The following SERPINA5 variants were observed in gnomAD, a reference collection of about 807,000 sequenced individuals.
SERPINA5 encodes plasma serine protease inhibitor.
A neutral mutation model predicts 25.3 loss-of-function variants in SERPINA5; 25 were observed. That is an observed-to-expected ratio of 0.99 (90% CI 0.72 to 1.38). The LOEUF is 1.38. Among genes scored for constraint, SERPINA5 ranks in the 40% most tolerant of loss-of-function variants. The probability of loss-of-function intolerance (pLI) is 0.00; values close to 1 mark genes in which losing one functional copy is unlikely to be tolerated. For missense variants in SERPINA5, 599 were observed against 509.5 expected (o/e 1.18, Z -1.69); for synonymous variants, 234 against 206.2 (o/e 1.14, Z -1.16).
At position 94,592,033 on chromosome 14, in the gene SERPINA5, T is replaced by C. The variant is rs937724676; in HGVS notation, c.1039-24T>C. On this transcript the variant is annotated intron_variant, in intron 5 of 5. Coordinates refer to ENST00000329597, the MANE Select transcript of SERPINA5 (RefSeq NM_000624.6). ...ACTTCACCTGCCCCTAGTGGCCTGG[T>C]GATGCCTGGTGTCTCCCCTGCAGAT... is the stretch of plus-strand genomic sequence containing the variant. 6 of 1,601,190 alleles carry C rather than the reference T, an allele frequency of 3.7e-6. No individual in the cohort carries two copies. In the African/African-American group the frequency reaches 6.7e-5, roughly 18 times the overall value.
Position 94,590,819 on chromosome 14 carries a change from C to A in SERPINA5, c.961C>A (p.Leu321Met). 6.2e-7 allele frequency: 1 copy of A among 1,614,126 alleles called. No homozygotes were observed. Among genetic ancestry groups the A allele is most frequent in the Non-Finnish European group, 8.5e-7 (1 of 1,179,992 alleles). ...SYQLEKVLPS[L>M]GISNVFTSHA... The stretch of plus-strand genomic sequence containing the variant: ...TCAGCTGGAGAAAGTCCTCCCCAGT[C>A]TGGGGATCAGTAACGTCTTCACCTC... The change falls in exon 5 of 6, where the codon CTG becomes ATG. Residue 321 changes from leucine to methionine, a missense_variant. Transcript: ENST00000329597.
At chr14:94,585,453 G>A (rs1236575741) in intron 2 of SERPINA5, among the ~76,000 whole-genome samples, 1 of 152,208 alleles carries the variant, frequency 6.6e-6, no homozygotes, top group African/African-American at 2.4e-5. Context: ...AGACAGGCCT[G>A]CAGTCCAAGC....
In SERPINA5 at chr14:94,590,261, T is replaced by G; in HGVS notation, c.840T>G (p.Asn280Lys). The part of the protein sequence containing the change: ...PSEGKMQQVE[N>K]GLSEKTLRKW... The stretch of plus-strand genomic sequence containing the variant: ...AGGGAAAGATGCAGCAGGTGGAGAA[T>G]GGACTGAGTGAGAAAACGCTGAGGA... The change falls in exon 4 of 6, where the codon AAT (asparagine) becomes AAG (lysine). Residue 280 changes from asparagine to lysine, a missense_variant. Coordinates refer to ENST00000329597, the MANE Select transcript of SERPINA5 (RefSeq NM_000624.6). 1 of 1,612,070 alleles carries G rather than the reference T, an allele frequency of 6.2e-7. No individual in the cohort carries two copies. Among genetic ancestry groups the G allele is most frequent in the Non-Finnish European group, 8.5e-7 (1 of 1,178,390 alleles).
chr14:94,590,070 G>C lies in SERPINA5; in HGVS notation c.649G>C (p.Gly217Arg), dbSNP rs6114. Residue 217 changes from glycine (G) to arginine (R), a missense_variant, in exon 4 of 6, where the codon GGC becomes CGC. Transcript: ENST00000329597. Reference protein sequence around the residue: ...AKWETSFNHKGTQEQDFYVTS... With the variant: ...AKWETSFNHKRTQEQDFYVTS... ...GTGGGAGACAAGCTTCAACCACAAAGGCACCCAAGAGCAAGACTTCTACGT... is the reference window on the plus strand; with the variant it reads ...GTGGGAGACAAGCTTCAACCACAAACGCACCCAAGAGCAAGACTTCTACGT... 4.5e-3 allele frequency: 7,173 copies of C among 1,595,946 alleles called. 279 individuals carry two copies. The African/African-American group carries it at 0.085, about 19-fold the overall frequency.
At chr14:94,591,200 A>G (rs1393213059) in intron 5 of SERPINA5, among the ~76,000 whole-genome samples, 1 of 100,420 alleles carries the variant, frequency 1.0e-5, no homozygotes, top group Non-Finnish European at 2.0e-5. Context: ...CTACTCCTCC[A>G]CTCCACATCT....
intron 2 of SERPINA5, among the ~76,000 whole-genome samples, chr14:94,586,402 G>T (rs1885085266): frequency 6.6e-6 from 1 of 152,106 alleles, no homozygotes; most frequent in Non-Finnish European, 1.5e-5. Context: ...TCCTTCCAAG[G>T]CCCCTCTCCT....
rs568052208 is a variant in SERPINA5 at position 94,581,686 on chromosome 14, T to G, written c.-42T>G. On this transcript the variant is annotated 5_prime_UTR_variant, in exon 2 of 6. Transcript: ENST00000329597. ...GTGACCTTATGCTCCACACTAACTCTGGCAGAGCCTCCGTTTCCTCATAGG... is the reference window on the plus strand; with the variant it reads ...GTGACCTTATGCTCCACACTAACTCGGGCAGAGCCTCCGTTTCCTCATAGG... 3 of 152,330 alleles carry G rather than the reference T, an allele frequency of 2.0e-5. No individual in the cohort carries two copies. In the East Asian group the frequency reaches 5.8e-4, roughly 29 times the overall value. 9.4% of individuals were successfully genotyped at this position (152,330 alleles called of 1,614,324 possible).
intron 2 of SERPINA5, among the ~76,000 whole-genome samples, chr14:94,583,066 C>T (rs1055326410): frequency 6.6e-6 from 1 of 152,150 alleles, no homozygotes; most frequent in African/African-American, 2.4e-5. Context: ...CTGGGGGTAT[C>T]ACGTGATCCA....
chr14:94,589,842 C>T lies in SERPINA5; in HGVS notation c.620-199C>T, dbSNP rs367808132. On this transcript the variant is annotated intron_variant, in intron 3 of 5. Coordinates refer to ENST00000329597, the MANE Select transcript of SERPINA5 (RefSeq NM_000624.6). Reference sequence around the variant, plus strand: ...TGCAAATGTGGAAGGAAAAGTCCCACGAAAAGTCCAAGAATGTGCCCAATG... The same window carrying T: ...TGCAAATGTGGAAGGAAAAGTCCCATGAAAAGTCCAAGAATGTGCCCAATG... 5.3e-5 allele frequency among the ~76,000 whole-genome samples: 8 copies of T among 152,180 alleles called. 1 individual carries two copies. Among genetic ancestry groups the T allele is most frequent in the African/African-American group, 1.2e-4 (5 of 41,506 alleles).
At chr14:94,585,554 G>A (rs754548695) in intron 2 of SERPINA5, among the ~76,000 whole-genome samples, 35 of 152,198 alleles carry the variant, frequency 2.3e-4, no homozygotes, top group Non-Finnish European at 3.7e-4. Context: ...GGGGCCCTTT[G>A]GAGTTTGGTT....
chr14:94,589,280 C>G (rs1885197795), intron 3 of SERPINA5, among the ~76,000 whole-genome samples: 1 of 151,882 alleles, frequency 6.6e-6, no homozygotes, highest in Non-Finnish European at 1.5e-5. Flanking sequence ...AACCCCGTCT[C>G]TACTAAAAAA....
chr14:94,586,662 G>A (rs1885095455), intron 2 of SERPINA5, among the ~76,000 whole-genome samples: 1 of 152,180 alleles, frequency 6.6e-6, no homozygotes, highest in African/African-American at 2.4e-5. Flanking sequence ...GCCAGAACAG[G>A]AGGACGGTGG....
chr14:94,589,319 G>A (rs1441040572), intron 3 of SERPINA5, among the ~76,000 whole-genome samples: 3 of 151,998 alleles, frequency 2.0e-5, no homozygotes, highest in Non-Finnish European at 4.4e-5. Flanking sequence ...ATGGTGGTGG[G>A]CGCCTGTAAT....
rs750700775 is a variant in SERPINA5, at chr14:94,590,109, G to A, written c.688G>A (p.Val230Met). 4 of 1,613,916 alleles carry A rather than the reference G, an allele frequency of 2.5e-6. No individual in the cohort carries two copies. Among genetic ancestry groups the A allele is most frequent in the African/African-American group, 2.7e-5 (2 of 75,026 alleles). The stretch of plus-strand genomic sequence containing the variant: ...AGACTTCTACGTGACCTCGGAGACT[G>A]TGGTGCGGGTACCCATGATGAGCCG... ...EQDFYVTSET[V>M]VRVPMMSRED... The change falls in exon 4 of 6, where the codon GTG becomes ATG. Residue 230 changes from valine (V) to methionine (M), a missense_variant. Physicochemically the swap from Val to Met is conservative, Grantham distance 21. Coordinates refer to ENST00000329597, the MANE Select transcript of SERPINA5 (RefSeq NM_000624.6).
In SERPINA5 at chr14:94,587,757, C is replaced by A. The variant is rs1446575424; in HGVS notation, c.395C>A (p.Ala132Asp). 6.2e-7 allele frequency: 1 copy of A among 1,614,086 alleles called. No individual in the cohort carries two copies. Among genetic ancestry groups the A allele is most frequent in the Admixed American group, 1.7e-5 (1 of 60,014 alleles). The change falls in exon 3 of 6, where the codon GCC (alanine) becomes GAC (aspartate). Residue 132 changes from alanine (A) to aspartate (D), a missense_variant. Ala to Asp is a moderately radical substitution (Grantham distance 126). Transcript: ENST00000329597. Reference sequence around the variant, plus strand: ...GGCTTCCAGCTGAGCCTCGGCAATGCCCTTTTCACCGACCTGGTGGTAGAC... The same window carrying A: ...GGCTTCCAGCTGAGCCTCGGCAATGACCTTTTCACCGACCTGGTGGTAGAC... Reference protein sequence around the residue: ...RDGFQLSLGNALFTDLVVDLQ... With the variant: ...RDGFQLSLGNDLFTDLVVDLQ...
Position 94,587,433 on chromosome 14 carries a change from C to T in SERPINA5, c.71C>T (p.Pro24Leu). ...GGGGCCTCCCTTCACCGCCACCACC[C>T]CCGGGAGATGAAGAAGAGAGTCGAG... is the stretch of plus-strand genomic sequence containing the variant. ...PQGASLHRHH[P>L]REMKKRVEDL... is the part of the protein sequence containing the mutation. Residue 24 changes from proline to leucine, a missense_variant, in exon 3 of 6, where the codon CCC (proline) becomes CTC (leucine). Transcript: ENST00000329597. 1 of 1,614,152 alleles carries T rather than the reference C, an allele frequency of 6.2e-7. No homozygotes were observed. The highest frequency in any genetic ancestry group is 8.5e-7 in the Non-Finnish European group (1 of 1,180,006).
At chr14:94,591,782 G>C (rs1885311171) in intron 5 of SERPINA5, among the ~76,000 whole-genome samples, 1 of 152,106 alleles carries the variant, frequency 6.6e-6, no homozygotes, top group African/African-American at 2.4e-5. Context: ...AAAAATACTT[G>C]ACTCTCTGAG....
chr14:94,584,161 G>A (rs1595076299), intron 2 of SERPINA5, among the ~76,000 whole-genome samples: 1 of 152,224 alleles, frequency 6.6e-6, no homozygotes, highest in Non-Finnish European at 1.5e-5. Flanking sequence ...CTCAGAGACA[G>A]GCTGTGCACG....
intron 5 of SERPINA5, among the ~76,000 whole-genome samples, chr14:94,591,314 A>C (rs1384511022): frequency 2.7e-5 from 2 of 73,398 alleles, no homozygotes; most frequent in South Asian, 4.0e-4. Context: ...CATCCACTCC[A>C]CTCTTCCATT....
Sources: gnomAD v4.1 joint callset for allele counts (sites outside exome capture counted in the v4.1 genomes callset) on GRCh38, gnomAD v4.1.1 for gene constraint, MANE v1.5 for transcripts, NCBI Gene and HGNC (gene_info 2026-07-23, HGNC 2026-07-21) for gene names.